The following CHUK variants were observed in gnomAD, a reference collection of about 807,000 sequenced individuals.
CHUK encodes inhibitor of nuclear factor kappa-B kinase subunit alpha.
In CHUK, 35 loss-of-function variants were observed where a neutral mutation model predicts 104.8. The ratio of observed to expected loss-of-function variants is 0.33; its 90% CI spans 0.26 to 0.44. The LOEUF (loss-of-function observed/expected upper bound fraction) is 0.44. Ranked by LOEUF, CHUK falls within the 20% of genes least tolerant of loss-of-function variation. The probability of loss-of-function intolerance (pLI) is 1.00; values close to 1 mark genes in which losing one functional copy is unlikely to be tolerated. For missense variants in CHUK, 663 were observed against 902.7 expected (o/e 0.73, Z 3.40); for synonymous variants, 276 against 291.9 (o/e 0.95, Z 0.56).
At chr10:100,187,778 T>TA (rs1381684690), downstream of CHUK, 8 of 152,510 alleles carry the variant, frequency 5.2e-5, no homozygotes, top group Non-Finnish European at 1.0e-4. Flanking sequence ...CCCCACGCTA[T>TA]AACAAATCTT....
At chr10:100,202,026 G>C in intron 14 of CHUK, 62 bp downstream of exon 14, 1 of 1,242,538 alleles carries the variant, frequency 8.0e-7, no homozygotes, top group Non-Finnish European at 1.2e-6. Context: ...CAAAACCAAA[G>C]ATAGTTTCTA....
At chr10:100,221,325 C>T (rs1182885718) in intron 4 of CHUK, among the ~76,000 whole-genome samples, 1 of 152,056 alleles carries the variant, frequency 6.6e-6, no homozygotes, top group Non-Finnish European at 1.5e-5. Flanking sequence ...ATCCCAGCTA[C>T]TCGGGAGGCT....
At chr10:100,190,251 G>C in intron 20 of CHUK, 1 of 156,914 alleles carries the variant, frequency 6.4e-6, no homozygotes, top group Non-Finnish European at 1.4e-5. Context: ...AAACTCCTGG[G>C]CTCAAGCAAT....
intron 8 of CHUK, among the ~76,000 whole-genome samples, 177 bp from the exon 9 acceptor site, chr10:100,218,307 A>G (rs189043512): frequency 3.9e-5 from 6 of 152,320 alleles, no homozygotes; most frequent in Non-Finnish European, 2.9e-5. Context: ...TTTTCCATCA[A>G]AAACTACTCA....
intron 10 of CHUK, among the ~76,000 whole-genome samples, chr10:100,209,045 C>G (rs538686824): frequency 6.6e-6 from 1 of 152,220 alleles, no homozygotes; most frequent in East Asian, 1.9e-4. Context: ...GGTAATCACC[C>G]CAGCACCTGG....
chr10:100,225,418 T>C (rs1589600202), intron 2 of CHUK, among the ~76,000 whole-genome samples: 1 of 152,244 alleles, frequency 6.6e-6, no homozygotes, highest in Admixed American at 6.5e-5. Context: ...TGCTGTGGCA[T>C]GTGTCAGAGT....
At chr10:100,202,266 C>T (rs1375101151) in intron 13 of CHUK, 117 bp from the exon 14 acceptor site, 2 of 739,796 alleles carry the variant, frequency 2.7e-6, no homozygotes, top group East Asian at 2.6e-5. Context: ...TGTGGTCCCC[C>T]AAAAGATATG....
chr10:100,194,284 A>G lies in CHUK; in HGVS notation c.1826+141T>C. Reference sequence around the variant, plus strand: ...CATACAAAAGGACACATAAATGCAGATAGCTATGGCCAAGCTACCCAAGGT... The same window carrying G: ...CATACAAAAGGACACATAAATGCAGGTAGCTATGGCCAAGCTACCCAAGGT... On this transcript the variant is annotated intron_variant, in intron 17 of 20. Transcript: ENST00000370397. The G allele has an allele frequency of 3.8e-6, 4 of 1,062,610 alleles. No individual in the cohort carries two copies. The Admixed American group carries it at 7.7e-5, about 21-fold the overall frequency. The allele number at this position is 1,062,610 out of a possible 1,614,324, so 65.8% of individuals were successfully genotyped here.
chr10:100,228,083 G>C (rs1415657891), intron 1 of CHUK, among the ~76,000 whole-genome samples: 1 of 152,202 alleles, frequency 6.6e-6, no homozygotes, highest in Non-Finnish European at 1.5e-5. Context: ...GCTAACAGTT[G>C]AGGGCTTTCA....
chr10:100,191,878 G>GGAGGCCGAGGCAGGTGGATTACTT (rs1240161102), intron 19 of CHUK, among the ~76,000 whole-genome samples: 4 of 152,310 alleles, frequency 2.6e-5, no homozygotes, highest in African/African-American at 9.6e-5. Flanking sequence ...CAGCACTTTT[G>GGAGGCCGAGGCAGGTGGATTACTT]GAGGCCGAGG....
chr10:100,228,993 G>GCACACACA (rs59218517), intron 1 of CHUK, among the ~76,000 whole-genome samples: 3,764 of 133,466 alleles, frequency 0.028, 76 homozygotes, highest in Non-Finnish European at 0.037. Context: ...GCGCGCGCGC[G>GCACACACA]CACACACACA....
In CHUK at chr10:100,193,245, C is replaced by T. The variant is rs1189472044; in HGVS notation, c.2108+53G>A. The T allele has an allele frequency of 4.4e-6, 7 of 1,599,300 alleles. No individual in the cohort carries two copies. The East Asian group carries it at 1.6e-4, about 36-fold the overall frequency. ...CTACCTTAACAACTACTGCCTCATTCCTATACCACTGCTATGAAAACACAG... is the reference window on the plus strand; with the variant it reads ...CTACCTTAACAACTACTGCCTCATTTCTATACCACTGCTATGAAAACACAG... On this transcript the variant is annotated intron_variant, in intron 19 of 20. Coordinates refer to ENST00000370397, the MANE Select transcript of CHUK (RefSeq NM_001278.5).
At chr10:100,226,944 T>G (rs1380414753) in intron 1 of CHUK, among the ~76,000 whole-genome samples, 1 of 152,172 alleles carries the variant, frequency 6.6e-6, no homozygotes, top group African/African-American at 2.4e-5. Context: ...ACCTGGTGCA[T>G]AGAGAAGAAG....
downstream of CHUK, chr10:100,188,255 TAC>T (rs1333875037): frequency 6.6e-6 from 1 of 152,566 alleles, no homozygotes; most frequent in Non-Finnish European, 1.5e-5. Context: ...CTAAGGAAAG[TAC>T]AGTTATTCTA....
chr10:100,201,298 AG>A (rs1448867646), intron 14 of CHUK, among the ~76,000 whole-genome samples: 1 of 152,210 alleles, frequency 6.6e-6, no homozygotes, highest in Admixed American at 6.5e-5. Context: ...GTACAGGATA[AG>A]GGGAAAAAAT....
At chr10:100,218,186 T>G in intron 8 of CHUK, 56 bp from the exon 9 acceptor site, 1 of 1,485,912 alleles carries the variant, frequency 6.7e-7, no homozygotes, top group Non-Finnish European at 9.4e-7. Context: ...AATTTCCCTT[T>G]ATACTGTTAG....
intron 19 of CHUK, among the ~76,000 whole-genome samples, chr10:100,191,394 G>A (rs879770544): frequency 6.6e-6 from 1 of 152,158 alleles, no homozygotes; most frequent in Non-Finnish European, 1.5e-5. Context: ...ACAAATGTAG[G>A]GGAGAAGAGA....
At chr10:100,202,918 G>A (rs562003176) in intron 13 of CHUK, among the ~76,000 whole-genome samples, 20 of 151,990 alleles carry the variant, frequency 1.3e-4, no homozygotes, top group East Asian at 9.7e-4. Context: ...CACCATGCCC[G>A]GCTAATTTTT....
In CHUK at chr10:100,189,354, A is replaced by C. The variant is rs917121249; in HGVS notation, c.*244T>G. 1.8e-5 allele frequency: 9 copies of C among 495,466 alleles called. No homozygotes were observed. The highest frequency in any genetic ancestry group is 1.4e-5 in the Non-Finnish European group (4 of 276,906). The allele number at this position is 495,466 out of a possible 1,614,324, so 30.7% of individuals were successfully genotyped here. A position where few individuals can be genotyped will look rare whatever the true frequency, so the allele number is the denominator to read the frequency against. On this transcript the variant is annotated 3_prime_UTR_variant, in exon 21 of 21. Transcript: ENST00000370397. ...TGCTTCTAAATAGCTGTGGTATTAA[A>C]ACAAATATTCAAACAAGTACATTGA...
Sources: gnomAD v4.1 joint callset for allele counts (sites outside exome capture counted in the v4.1 genomes callset) on GRCh38, gnomAD v4.1.1 for gene constraint, MANE v1.5 for transcripts, NCBI Gene and HGNC (gene_info 2026-07-23, HGNC 2026-07-21) for gene names.